ITGA3: variants seen among roughly 807,000 people sequenced by gnomAD.
ITGA3 encodes integrin alpha-3.
Under a neutral mutation model 131.1 loss-of-function variants are expected in ITGA3, and 70 were observed. The ratio of observed to expected loss-of-function variants is 0.53; its 90% confidence interval spans 0.44 to 0.65. The LOEUF is 0.65. ITGA3 is among the 30% of genes least tolerant of loss of function. ITGA3 has a pLI of 0.00. For missense variants in ITGA3, 1,098 were observed against 1,388.6 expected (o/e 0.79, Z 3.33); for synonymous variants, 537 against 571.6 (o/e 0.94, Z 0.86).
At chr17:50,066,930 C>A (rs979635837) in intron 3 of ITGA3, among the ~76,000 whole-genome samples, 3 of 152,168 alleles carry the variant, frequency 2.0e-5, no homozygotes, top group Non-Finnish European at 4.4e-5. Context: ...TCATTTGCCA[C>A]CCCATAAGCC....
At chr17:50,080,463 GGTGTGTGTGTGTGTGTGT>G (rs113441627) in intron 22 of ITGA3, 88 bp downstream of exon 22, 39 of 506,250 alleles carry the variant, frequency 7.7e-5, no homozygotes, top group Non-Finnish European at 1.1e-4. Context: ...TCATAGCATG[GGTGTGTGTGTGTGTGTGT>G]GTGTGTGTGT....
chr17:50,056,786 G>A lies in ITGA3; in HGVS notation c.206+141G>A. On this transcript the variant is annotated intron_variant, in intron 1 of 25. Coordinates refer to ENST00000320031, the MANE Select transcript of ITGA3 (RefSeq NM_002204.4). This position sits in a 1 kb window ranked among gnomAD's most constrained non-coding sequence, Gnocchi z 5.6. ...GCGGCCCTCTGGCTGCTGGGGGTTG[G>A]CGGGAAGTGGAGGATTGGGTGTGGG... 1.2e-6 allele frequency: 1 copy of A among 834,822 alleles called. No individual in the cohort carries two copies. Among genetic ancestry groups the A allele is most frequent in the Non-Finnish European group, 1.8e-6 (1 of 545,510 alleles). 51.7% of individuals were successfully genotyped at this position (834,822 alleles called of 1,614,324 possible).
chr17:50,082,626 A>T (rs561124972), intron 23 of ITGA3, among the ~76,000 whole-genome samples: 5 of 152,128 alleles, frequency 3.3e-5, no homozygotes, highest in Non-Finnish European at 7.4e-5. Context: ...AAGTTATTAG[A>T]CCCAATAAGA....
intron 4 of ITGA3, among the ~76,000 whole-genome samples, chr17:50,068,837 TATTTATTTATTTATTTA>T (rs1567698538): frequency 2.1e-5 from 3 of 140,974 alleles, no homozygotes; most frequent in African/African-American, 7.5e-5. Flanking sequence ...TTTATTTATT[TATTTATTTATTTATTTA>T]TTTATTTTTT....
intron 1 of ITGA3, among the ~76,000 whole-genome samples, chr17:50,059,461 G>A (rs1242339244): frequency 4.6e-5 from 7 of 152,208 alleles, no homozygotes; most frequent in African/African-American, 7.2e-5. Flanking sequence ...CCTGAGGTAC[G>A]CAGGAGCCAG....
chr17:50,057,953 A>C lies in ITGA3; in HGVS notation c.206+1308A>C, dbSNP rs547707071. Among the ~76,000 whole-genome samples the C allele has an allele frequency of 2.6e-5, 4 of 152,348 alleles. No individual in the cohort carries two copies. The East Asian group carries it at 7.7e-4, about 29-fold the overall frequency. On this transcript the variant is annotated intron_variant, in intron 1 of 25. Coordinates refer to ENST00000320031, the MANE Select transcript of ITGA3 (RefSeq NM_002204.4). Reference sequence around the variant, plus strand: ...TCCCAGCCTGGCCCCAGCAGCTGCCACCTGGCCTTAGCCAACCCTCTATCT... The same window carrying C: ...TCCCAGCCTGGCCCCAGCAGCTGCCCCCTGGCCTTAGCCAACCCTCTATCT...
At chr17:50,070,386 C>A (rs1395786831) in intron 4 of ITGA3, among the ~76,000 whole-genome samples, 1 of 152,150 alleles carries the variant, frequency 6.6e-6, no homozygotes, top group Non-Finnish European at 1.5e-5. Flanking sequence ...TGGCTGACAC[C>A]TGTAATCCCA....
intron 7 of ITGA3, 142 bp from the exon 8 acceptor site, chr17:50,073,774 C>T: frequency 3.0e-6 from 2 of 661,642 alleles, no homozygotes; most frequent in Non-Finnish European, 5.4e-6. Context: ...CAGAGCTCTG[C>T]TCTGTCCCTG....
rs1274365264 is a variant in ITGA3, at chr17:50,074,097, G to A, written c.1246-47G>A. ...CCCAACCCTTCCCTGTAGCCCCCTG[G>A]GCCCTGCTCCCCAGAGCCTGCCCCC... On this transcript the variant is annotated intron_variant, in intron 8 of 25. Transcript: ENST00000320031. 1.9e-6 allele frequency: 3 copies of A among 1,574,248 alleles called. No individual in the cohort carries two copies. The South Asian group carries it at 3.3e-5, about 17-fold the overall frequency.
rs368909886 is a variant in ITGA3 at position 50,070,507 on chromosome 17, A to G, written c.665-337A>G. Among the ~76,000 whole-genome samples, 29 of 151,872 alleles carry G rather than the reference A, an allele frequency of 1.9e-4. No homozygotes were observed. The East Asian group carries it at 5.4e-3, about 28-fold the overall frequency. On this transcript the variant is annotated intron_variant, in intron 4 of 25. Transcript: ENST00000320031. ...CTGAAAATACAAAAATTAGCCGGGCATGGTGGCGCATGCCTGTAATCCCAG... is the reference window on the plus strand; with the variant it reads ...CTGAAAATACAAAAATTAGCCGGGCGTGGTGGCGCATGCCTGTAATCCCAG...
chr17:50,081,192 G>A lies in ITGA3; in HGVS notation c.2821-118G>A, dbSNP rs1487923363. On this transcript the variant is annotated intron_variant, in intron 22 of 25. Coordinates refer to ENST00000320031, the MANE Select transcript of ITGA3 (RefSeq NM_002204.4). Reference sequence around the variant, plus strand: ...GGAGGCCTGGCTGACAGATCCTTTGGGGTGCTGTTTAAGGATGCTACTTGG... The same window carrying A: ...GGAGGCCTGGCTGACAGATCCTTTGAGGTGCTGTTTAAGGATGCTACTTGG... 7.9e-6 allele frequency: 5 copies of A among 630,698 alleles called. No homozygotes were observed. The Admixed American group carries it at 1.1e-4, about 13-fold the overall frequency. The allele number at this position is 630,698 out of a possible 1,614,324, so 39.1% of individuals were successfully genotyped here. A position where few individuals can be genotyped will look rare whatever the true frequency, so the allele number is the denominator to read the frequency against.
intron 1 of ITGA3, among the ~76,000 whole-genome samples, chr17:50,061,551 C>T (rs992904082): frequency 4.6e-5 from 7 of 152,166 alleles, no homozygotes; most frequent in African/African-American, 1.7e-4. Flanking sequence ...AATTCCCAAC[C>T]TCCACCTCCA....
At position 50,077,059 on chromosome 17, in the gene ITGA3, G is replaced by A. The variant is rs1395799557; in HGVS notation, c.2008G>A (p.Ala670Thr). ...TRTSERSGED[A>T]HEALLTLVVP... The stretch of plus-strand genomic sequence containing the variant: ...GACCTCGGAGCGCTCCGGGGAGGAC[G>A]CCCACGAGGCGCTGCTCACCCTGGT... The change falls in exon 15 of 26, where the codon GCC becomes ACC. Residue 670 changes from alanine (A) to threonine (T), a missense_variant. Ala to Thr is a moderately conservative substitution (Grantham distance 58). Transcript: ENST00000320031. 5.0e-6 allele frequency: 8 copies of A among 1,602,504 alleles called. No homozygotes were observed. Among genetic ancestry groups the A allele is most frequent in the Admixed American group, 1.7e-5 (1 of 59,130 alleles).
chr17:50,080,415 C>G, intron 22 of ITGA3, 40 bp downstream of exon 22: 1 of 1,270,154 alleles, frequency 7.9e-7, no homozygotes, highest in Non-Finnish European at 1.1e-6. Flanking sequence ...ACCATCCACC[C>G]TGAGGGGGAG....
chr17:50,071,826 C>A, intron 6 of ITGA3, 160 bp from the exon 7 acceptor site: 1 of 665,580 alleles, frequency 1.5e-6, no homozygotes, highest in Non-Finnish European at 2.6e-6. Flanking sequence ...TTGGCATCTC[C>A]ATGTCCTTCC....
chr17:50,056,295 G>C lies in ITGA3; in HGVS notation c.-145G>C. ...AGCTGTGAAACTGGCTGGGGCTGGG[G>C]GCACGAAACCGATCAGCGCTACGGA... On this transcript the variant is annotated 5_prime_UTR_variant, in exon 1 of 26. Coordinates refer to ENST00000320031, the MANE Select transcript of ITGA3 (RefSeq NM_002204.4). The surrounding 1 kb of genome is among the most constrained non-coding windows in gnomAD (Gnocchi z 5.6). 1.9e-6 allele frequency: 1 copy of C among 535,254 alleles called. No homozygotes were observed. Among genetic ancestry groups the C allele is most frequent in the Non-Finnish European group, 3.2e-6 (1 of 317,068 alleles). The allele number at this position is 535,254 out of a possible 1,614,324, so 33.2% of individuals were successfully genotyped here.
At chr17:50,063,923 G>A in intron 1 of ITGA3, 154 bp from the exon 2 acceptor site, 1 of 1,034,902 alleles carries the variant, frequency 9.7e-7, no homozygotes, top group Non-Finnish European at 1.4e-6. Flanking sequence ...TTTTTTCCTT[G>A]CCTGCCTTAC....
chr17:50,078,300 C>A lies in ITGA3; in HGVS notation c.2297+16C>A, dbSNP rs1325278563. On this transcript the variant is annotated intron_variant, in intron 18 of 25. Coordinates refer to ENST00000320031, the MANE Select transcript of ITGA3 (RefSeq NM_002204.4). ...CGCTTAGCATGTGGGTACCGCTCTCCACCACCCCCACCCCAGCCTGCTGTG... is the reference window on the plus strand; with the variant it reads ...CGCTTAGCATGTGGGTACCGCTCTCAACCACCCCCACCCCAGCCTGCTGTG... 1 of 1,602,678 alleles carries A rather than the reference C, an allele frequency of 6.2e-7. No homozygotes were observed. Among genetic ancestry groups the A allele is most frequent in the Non-Finnish European group, 8.5e-7 (1 of 1,171,112 alleles).
In ITGA3 at chr17:50,072,032, G is replaced by C. The variant is rs1908654101; in HGVS notation, c.1006G>C (p.Glu336Gln). The C allele has an allele frequency of 1.2e-6, 2 of 1,614,060 alleles. No homozygotes were observed. Among genetic ancestry groups the C allele is most frequent in the African/African-American group, 1.3e-5 (1 of 75,038 alleles). Residue 336 changes from glutamate (E) to glutamine (Q), a missense_variant, in exon 7 of 26, where the codon GAG (glutamate) becomes CAG (glutamine). Around this residue, in one of 3 missense-constraint regions of ITGA3, gnomAD observed 356 missense variants for 529.2 expected, o/e 0.67. Coordinates refer to ENST00000320031, the MANE Select transcript of ITGA3 (RefSeq NM_002204.4). ...CGCCCCCTACTACTTCGAGAGGAAA[G>C]AGGAAGTAGGGGGTGCCATCTATGT... ...VGAPYYFERK[E>Q]EVGGAIYVFM...
Sources: gnomAD v4.1 joint callset for allele counts (sites outside exome capture counted in the v4.1 genomes callset) on GRCh38, gnomAD v4.1.1 for gene constraint, gnomAD v4.1.1 regional missense constraint, Gnocchi (gnomAD v3.1) non-coding constraint, MANE v1.5 for transcripts, NCBI Gene and HGNC (gene_info 2026-07-23, HGNC 2026-07-21) for gene names.